EXOC5: variants seen among roughly 807,000 people sequenced by gnomAD.
EXOC5 encodes exocyst complex component 5, also known as SEC10-like 1.
In EXOC5, 17 loss-of-function variants were observed where a neutral mutation model predicts 90.8. That is an observed-to-expected ratio of 0.19 (90% CI 0.13 to 0.28). The LOEUF is 0.28. Ranked by LOEUF, EXOC5 falls within the 10% of genes least tolerant of loss-of-function variation. The probability of loss-of-function intolerance (pLI) is 1.00; values close to 1 mark genes in which losing one functional copy is unlikely to be tolerated. For synonymous variants in EXOC5, 260 were observed against 270.0 expected (o/e 0.96, Z 0.36); for missense variants, 569 against 830.6 (o/e 0.69, Z 3.87).
chr14:57,229,994 G>T, intron 11 of EXOC5, 113 bp from the exon 12 acceptor site: 1 of 502,774 alleles, frequency 2.0e-6, no homozygotes, highest in Non-Finnish European at 3.2e-6. Flanking sequence ...ATAGCCAAGA[G>T]ACCTAATTTC....
chr14:57,247,531 G>T, intron 2 of EXOC5, 87 bp downstream of exon 2: 1 of 560,104 alleles, frequency 1.8e-6, no homozygotes, highest in Non-Finnish European at 3.1e-6. Flanking sequence ...GTAGAGGAAT[G>T]CTGAAAGCAA....
In EXOC5 at chr14:57,209,962, T is replaced by C. The variant is rs931477223; in HGVS notation, c.1713A>G (p.Gln571=). 5 of 1,513,204 alleles carry C rather than the reference T, an allele frequency of 3.3e-6. No homozygotes were observed. Among genetic ancestry groups the C allele is most frequent in the African/African-American group, 2.7e-5 (2 of 73,328 alleles). 93.7% of individuals were successfully genotyped at this position (1,513,204 alleles called of 1,614,324 possible). A position where few individuals can be genotyped will look rare whatever the true frequency, so the allele number is the denominator to read the frequency against. ...KPEDENNVLI[Q]YTNACVKVCA... ...GAATGATTTTACTCACATTAGTATA[T>C]TGAATCAAAACATTGTTTTCATCTT... The change falls in exon 16 of 18, where the codon CAA becomes CAG. Residue 571 remains glutamine (Q), a synonymous_variant. Transcript: ENST00000621441.
chr14:57,219,064 T>C (rs987741425), intron 14 of EXOC5, among the ~76,000 whole-genome samples: 1 of 152,062 alleles, frequency 6.6e-6, no homozygotes, highest in African/African-American at 2.4e-5. Flanking sequence ...ATTTCAGTTT[T>C]AGGTTTGTGA....
chr14:57,245,873 C>G (rs1407113992), intron 3 of EXOC5, among the ~76,000 whole-genome samples: 9 of 151,934 alleles, frequency 5.9e-5, no homozygotes, highest in Non-Finnish European at 1.2e-4. Flanking sequence ...GCCAACATAG[C>G]AAAATCTCTA....
chr14:57,244,248 C>A lies in EXOC5; in HGVS notation c.382G>T (p.Val128Leu). ...EGVNTPRQRAVEAQKLMKYFN... is the reference protein window; with the variant it reads ...EGVNTPRQRALEAQKLMKYFN... ...TATTTCATCAATTTCTGAGCCTCCA[C>A]TGCCCGTTGTCTGGGTGTGTTTACC... The change falls in exon 4 of 18, where the codon GTG becomes TTG. Residue 128 changes from valine to leucine, a missense_variant. Coordinates refer to ENST00000621441, the MANE Select transcript of EXOC5 (RefSeq NM_006544.4). 6.2e-7 allele frequency: 1 copy of A among 1,613,610 alleles called. No individual in the cohort carries two copies. Among genetic ancestry groups the A allele is most frequent in the Non-Finnish European group, 8.5e-7 (1 of 1,179,514 alleles).
chr14:57,265,557 T>C (rs979494272), intron 1 of EXOC5, among the ~76,000 whole-genome samples: 6 of 152,086 alleles, frequency 3.9e-5, no homozygotes, highest in African/African-American at 7.2e-5. Flanking sequence ...ACCTTATTTC[T>C]GCAAAAAATT....
chr14:57,229,534 A>C (rs762151504), intron 12 of EXOC5, among the ~76,000 whole-genome samples, 200 bp downstream of exon 12: 140 of 152,296 alleles, frequency 9.2e-4, no homozygotes, highest in Non-Finnish European at 1.3e-3. Context: ...ATGTAATAAT[A>C]TATATAAATA....
intron 13 of EXOC5, among the ~76,000 whole-genome samples, chr14:57,220,827 T>C (rs1322812047): frequency 2.0e-5 from 3 of 151,908 alleles, no homozygotes; most frequent in African/African-American, 4.8e-5. Context: ...TAAGGGCATA[T>C]CAAAATTATT....
intron 4 of EXOC5, among the ~76,000 whole-genome samples, chr14:57,241,753 G>A (rs545925919): frequency 1.3e-5 from 2 of 152,252 alleles, no homozygotes; most frequent in African/African-American, 4.8e-5. Context: ...GGTGAGGTGA[G>A]AGACTACCCT....
intron 15 of EXOC5, among the ~76,000 whole-genome samples, chr14:57,210,627 G>A (rs953139017): frequency 4.6e-5 from 7 of 152,252 alleles, no homozygotes; most frequent in South Asian, 2.1e-4. Flanking sequence ...AAGCAAAGAT[G>A]TCACTATCTC....
intron 1 of EXOC5, among the ~76,000 whole-genome samples, chr14:57,267,727 C>T (rs1884719657): frequency 6.6e-6 from 1 of 152,134 alleles, no homozygotes; most frequent in Admixed American, 6.5e-5. Context: ...TTTATCACAG[C>T]TTCTTACAAC....
chr14:57,230,544 T>C (rs1042057882), intron 11 of EXOC5, among the ~76,000 whole-genome samples: 9 of 152,250 alleles, frequency 5.9e-5, no homozygotes, highest in African/African-American at 2.2e-4. Context: ...TAACTCTCTC[T>C]AATCATTATT....
intron 12 of EXOC5, among the ~76,000 whole-genome samples, chr14:57,224,736 T>C (rs918208187): frequency 6.6e-6 from 1 of 152,030 alleles, no homozygotes; most frequent in African/African-American, 2.4e-5. Context: ...GAGGCCAACA[T>C]TACCCTGATA....
chr14:57,223,068 A>AT (rs1555368204), intron 12 of EXOC5, among the ~76,000 whole-genome samples: 1 of 152,068 alleles, frequency 6.6e-6, no homozygotes, highest in Non-Finnish European at 1.5e-5. Context: ...CAATTTCTTC[A>AT]TTTGTAAGAT....
rs761116207 is a variant in EXOC5, at chr14:57,234,024, G to C, written c.678C>G (p.Ser226=). 2.4e-5 allele frequency: 38 copies of C among 1,588,168 alleles called. No individual in the cohort carries two copies. In the Middle Eastern group the frequency reaches 5.0e-4, roughly 21 times the overall value. ...AAVLLHFKGY[S]HCVDVYIKQC... ...GCTTTATATAAACATCAACACAATG[G>C]GAATAACCCTACAAGGAAGAAACAC... Residue 226 remains serine, a synonymous_variant, in exon 8 of 18, where the codon TCC becomes TCG. Transcript: ENST00000621441.
At chr14:57,254,418 G>C (rs1405692142) in intron 1 of EXOC5, among the ~76,000 whole-genome samples, 5 of 150,836 alleles carry the variant, frequency 3.3e-5, no homozygotes, top group African/African-American at 1.2e-4. Context: ...CTGGGTAACA[G>C]AGTGAGTGAA....
At position 57,266,266 on chromosome 14, in the gene EXOC5, C is replaced by A. The variant is rs918208067; in HGVS notation, c.27+2356G>T. Among the ~76,000 whole-genome samples, 14 of 152,176 alleles carry A rather than the reference C, an allele frequency of 9.2e-5. 1 individual carries two copies. The South Asian group carries it at 1.2e-3, about 14-fold the overall frequency. ...AGGGAAGCAGGAGAAAAAGATACTT[C>A]CCGTGACTCTTACTACAACCTAGAT... On this transcript the variant is annotated intron_variant, in intron 1 of 17. Coordinates refer to ENST00000621441, the MANE Select transcript of EXOC5 (RefSeq NM_006544.4).
intron 15 of EXOC5, 143 bp downstream of exon 15, chr14:57,217,839 G>A: frequency 3.2e-6 from 2 of 624,796 alleles, no homozygotes; most frequent in Non-Finnish European, 5.7e-6. Flanking sequence ...AAGGATGAAG[G>A]CAATATGTAA....
rs1883576693 is a variant in EXOC5, at chr14:57,234,141, G to T, written c.670-109C>A. On this transcript the variant is annotated intron_variant, in intron 7 of 17. Transcript: ENST00000621441. ...AGCTATGACTATTTACCAGTAAATGGCCAATAGCAACACCTGTTGGACTTA... is the reference window on the plus strand; with the variant it reads ...AGCTATGACTATTTACCAGTAAATGTCCAATAGCAACACCTGTTGGACTTA... 5 of 753,602 alleles carry T rather than the reference G, an allele frequency of 6.6e-6. No individual in the cohort carries two copies. In the South Asian group the frequency reaches 7.6e-5, roughly 12 times the overall value. 46.7% of individuals were successfully genotyped at this position (753,602 alleles called of 1,614,324 possible).
Sources: allele counts gnomAD v4.1 joint callset (sites outside exome capture counted in the v4.1 genomes callset), GRCh38; gene constraint gnomAD v4.1.1; transcripts MANE v1.5; gene names NCBI Gene and HGNC (gene_info 2026-07-23, HGNC 2026-07-21).